Variants in C3orf18 observed in about 807,000 individuals in gnomAD.
The protein encoded by C3orf18 is chromosome 3 open reading frame 18, also known as uncharacterized protein C3orf18.
In C3orf18, 12 loss-of-function variants were observed where a neutral mutation model predicts 14.1. The ratio of observed to expected loss-of-function variants is 0.85; its 90% CI spans 0.55 to 1.38. The LOEUF (loss-of-function observed/expected upper bound fraction) is 1.38, where lower values mean the gene tolerates loss of function less well. Ranked by LOEUF, C3orf18 falls within the 40% of genes most tolerant of loss-of-function variation. The pLI, the probability that C3orf18 is intolerant of heterozygous loss-of-function variation, is 0.00. For synonymous variants in C3orf18, 82 were observed against 87.9 expected (o/e 0.93, Z 0.38); for missense variants, 196 against 213.9 (o/e 0.92, Z 0.52).
chr3:50,560,737 T>C (rs1405692913), intron 5 of C3orf18, among the ~76,000 whole-genome samples, 180 bp downstream of exon 5: 2 of 152,288 alleles, frequency 1.3e-5, no homozygotes, highest in East Asian at 3.9e-4. Context: ...CGCTGTGAGT[T>C]TGTGGGTGGC....
chr3:50,562,424 C>T, intron 3 of C3orf18: 5 of 454,010 alleles, frequency 1.1e-5, no homozygotes, highest in South Asian at 7.8e-5. Flanking sequence ...CACATTCCCT[C>T]CCCTCAACTC....
intron 5 of C3orf18, 53 bp downstream of exon 5, chr3:50,560,864 G>A (rs1228036472): frequency 5.2e-6 from 8 of 1,545,050 alleles, no homozygotes; most frequent in Non-Finnish European, 7.0e-6. Flanking sequence ...GGAGGGTGAG[G>A]GTGGAGGACA....
At position 50,558,705 on chromosome 3, in the gene C3orf18, C is replaced by A; in HGVS notation, c.*952G>T. On this transcript the variant is annotated 3_prime_UTR_variant, in exon 6 of 6. Transcript: ENST00000357203. ...GGAGCCGTTTTCAGAAGCAGGTGAG[C>A]CCAGTGAAACAATGCAGTGGAGAGA... is the stretch of plus-strand genomic sequence containing the variant. 7.8e-7 allele frequency: 1 copy of A among 1,288,696 alleles called. No homozygotes were observed. Among genetic ancestry groups the A allele is most frequent in the Middle Eastern group, 2.1e-4 (1 of 4,686 alleles). The allele number at this position is 1,288,696 out of a possible 1,614,324, so 79.8% of individuals were successfully genotyped here. A position where few individuals can be genotyped will look rare whatever the true frequency, so the allele number is the denominator to read the frequency against.
chr3:50,565,712 A>C lies in C3orf18; in HGVS notation c.-13T>G. ...TCCTGGAGTTCATGCTGATGCGGAG[A>C]GGGCCCTGGCTGAGAGGCTGCCTGA... On this transcript the variant is annotated 5_prime_UTR_variant, in exon 3 of 6. Coordinates refer to ENST00000357203, the MANE Select transcript of C3orf18 (RefSeq NM_016210.5). The surrounding 1 kb of genome is among the most constrained non-coding windows in gnomAD (Gnocchi z 4.4). 1 of 1,597,786 alleles carries C rather than the reference A, an allele frequency of 6.3e-7. No individual in the cohort carries two copies. Among genetic ancestry groups the C allele is most frequent in the Non-Finnish European group, 8.5e-7 (1 of 1,172,854 alleles).
At chr3:50,571,105 A>G, upstream of C3orf18, 1 of 1,583,760 alleles carries the variant, frequency 6.3e-7, no homozygotes, top group South Asian at 1.1e-5. Context: ...TCCCTGAGAC[A>G]TGGAGCTTTG....
At chr3:50,560,233 C>T (rs1471684094) in intron 5 of C3orf18, among the ~76,000 whole-genome samples, 4 of 152,334 alleles carry the variant, frequency 2.6e-5, no homozygotes, top group African/African-American at 4.8e-5. Context: ...CCCAAGAAGA[C>T]GCAAAGAGGC....
Position 50,559,587 on chromosome 3 carries a change from T to G in C3orf18, c.*70A>C. On this transcript the variant is annotated 3_prime_UTR_variant, in exon 6 of 6. Coordinates refer to ENST00000357203, the MANE Select transcript of C3orf18 (RefSeq NM_016210.5). ...AGATCTTCAGAGTAGGTCTTGACAA[T>G]CAGGGAGTGGGGAGCTCTGTAGGCA... The G allele has an allele frequency of 6.8e-7, 1 of 1,467,586 alleles. No individual in the cohort carries two copies. The highest frequency in any genetic ancestry group is 9.1e-7 in the Non-Finnish European group (1 of 1,102,450). The allele number at this position is 1,467,586 out of a possible 1,614,324, so 90.9% of individuals were successfully genotyped here.
At chr3:50,562,237 A>G in intron 3 of C3orf18, 1 of 354,592 alleles carries the variant, frequency 2.8e-6, no homozygotes, top group Non-Finnish European at 5.5e-6. Flanking sequence ...GACAGTGCCC[A>G]GACTGAGTCT....
upstream of C3orf18, chr3:50,572,121 G>A (rs1425041936): frequency 1.3e-5 from 21 of 1,613,758 alleles, no homozygotes; most frequent in Middle Eastern, 1.6e-4. Context: ...GCAGGATGCC[G>A]GTGCAGTACA....
chr3:50,570,161 G>A (rs1173534594), upstream of C3orf18: 1 of 152,226 alleles, frequency 6.6e-6, no homozygotes, highest in Non-Finnish European at 1.5e-5. Context: ...GTTTCTACCT[G>A]AGTGACGCTG....
chr3:50,559,719 C>A lies in C3orf18; in HGVS notation c.427G>T (p.Gly143Cys), dbSNP rs1462980213. 1 of 1,592,654 alleles carries A rather than the reference C, an allele frequency of 6.3e-7. No individual in the cohort carries two copies. The highest frequency in any genetic ancestry group is 2.3e-5 in the East Asian group (1 of 43,820). The change falls in exon 6 of 6, where the codon GGC becomes TGC. Residue 143 changes from glycine (G) to cysteine (C), a missense_variant. By Grantham distance (159) the Gly-to-Cys change is radical. Coordinates refer to ENST00000357203, the MANE Select transcript of C3orf18 (RefSeq NM_016210.5). The part of the protein sequence containing the change: ...MQGKTTLPSQ[G>C]PLQRPSRLVF... ...AGCCGGCTGGGTCTCTGCAGTGGGC[C>A]CTGGGAGGGCAGAGTAGTCTGCAGG... is the stretch of plus-strand genomic sequence containing the variant.
intron 3 of C3orf18, chr3:50,562,592 C>G (rs906790272): frequency 2.2e-6 from 1 of 455,824 alleles, no homozygotes; most frequent in Non-Finnish European, 4.4e-6. Context: ...CCCGTCTCTA[C>G]AACATGTAAA....
intron 5 of C3orf18, 99 bp from the exon 6 acceptor site, chr3:50,559,836 T>A: frequency 3.0e-6 from 2 of 676,890 alleles, no homozygotes; most frequent in Non-Finnish European, 4.7e-6. Context: ...CTGCTTATGC[T>A]TGGCACTAGC....
chr3:50,566,570 T>G (rs1700314490), intron 1 of C3orf18, among the ~76,000 whole-genome samples: 1 of 152,146 alleles, frequency 6.6e-6, no homozygotes, highest in African/African-American at 2.4e-5. Flanking sequence ...AGGGAGCCCC[T>G]GGACCCAGTC....
At chr3:50,559,760 A>G (rs747038644) in intron 5 of C3orf18, 23 bp from the exon 6 acceptor site, 8 of 1,515,360 alleles carry the variant, frequency 5.3e-6, no homozygotes, top group Non-Finnish European at 7.2e-6. Context: ...AGGCAGGGGC[A>G]TCAGAGACCA....
chr3:50,571,648 GAC>G, upstream of C3orf18: 1 of 1,465,256 alleles, frequency 6.8e-7, no homozygotes, highest in Non-Finnish European at 9.6e-7. Context: ...ATCCACATAA[GAC>G]ACCTGGGTTG....
In C3orf18 at chr3:50,559,336, G is replaced by A. The variant is rs375829969; in HGVS notation, c.*321C>T. 24 of 1,279,868 alleles carry A rather than the reference G, an allele frequency of 1.9e-5. No individual in the cohort carries two copies. Among genetic ancestry groups the A allele is most frequent in the Admixed American group, 6.3e-5 (2 of 31,902 alleles). The allele number at this position is 1,279,868 out of a possible 1,614,324, so 79.3% of individuals were successfully genotyped here. ...TCTCCCTCATTTCCTCCACATTAGC[G>A]GGGCAGACCCTGATGTGAGGGATCT... On this transcript the variant is annotated 3_prime_UTR_variant, in exon 6 of 6. Transcript: ENST00000357203.
Position 50,566,461 on chromosome 3 carries a change from C to G in C3orf18, c.-251-367G>C, listed in dbSNP as rs145478847. The stretch of plus-strand genomic sequence containing the variant: ...CAGAAATGGCAGAACAAACAGGTGT[C>G]GAAGAAAGACTTAGCTCAGCACAAC... On this transcript the variant is annotated intron_variant, in intron 1 of 5. Coordinates refer to ENST00000357203, the MANE Select transcript of C3orf18 (RefSeq NM_016210.5). Among the ~76,000 whole-genome samples, 14 of 152,090 alleles carry G rather than the reference C, an allele frequency of 9.2e-5. No individual in the cohort carries two copies. The East Asian group carries it at 2.3e-3, about 25-fold the overall frequency.
chr3:50,563,432 T>A (rs1360027679), intron 3 of C3orf18, among the ~76,000 whole-genome samples: 3 of 151,980 alleles, frequency 2.0e-5, no homozygotes, highest in Non-Finnish European at 4.4e-5. Context: ...TTTACGCAAT[T>A]TCCATGCCTT....
Sources: allele counts gnomAD v4.1 joint callset (sites outside exome capture counted in the v4.1 genomes callset), GRCh38; gene constraint gnomAD v4.1.1; non-coding constraint Gnocchi (gnomAD v3.1); transcripts MANE v1.5; gene names NCBI Gene and HGNC (gene_info 2026-07-23, HGNC 2026-07-21).